The following ERG variants were observed in gnomAD, a reference collection of about 807,000 sequenced individuals.
The protein encoded by ERG is transcriptional regulator ERG.
In ERG, 9 loss-of-function variants were observed where a neutral mutation model predicts 55.3. The observed-to-expected ratio is 0.16, with a 90% CI of 0.10 to 0.28. The LOEUF is 0.28. ERG is among the 10% of genes least tolerant of loss of function. The pLI is 1.00. For missense variants in ERG, 434 were observed against 631.6 expected, an observed-to-expected ratio of 0.69 and a Z score of 3.35; for synonymous variants, 223 against 237.3, an observed-to-expected ratio of 0.94 and a Z score of 0.55.
At chr21:38,473,384 G>GTT (rs1256411375) in intron 1 of ERG, among the ~76,000 whole-genome samples, 2 of 151,262 alleles carry the variant, frequency 1.3e-5, no homozygotes, top group East Asian at 1.9e-4. Flanking sequence ...TGAGCCCATG[G>GTT]TTTTAAATCT....
At chr21:38,480,218 G>A (rs189215445) in intron 1 of ERG, among the ~76,000 whole-genome samples, 63 of 152,232 alleles carry the variant, frequency 4.1e-4, no homozygotes, top group Admixed American at 3.5e-3. Context: ...AATTTAAGAC[G>A]TATGATTCAT....
chr21:38,588,172 T>G (rs543269919), upstream of ERG, among the ~76,000 whole-genome samples: 8 of 152,318 alleles, frequency 5.3e-5, no homozygotes, highest in African/African-American at 1.7e-4. Context: ...CAGAAAATTA[T>G]GTAAACCAGA....
At chr21:38,515,339 T>C (rs2059543622) in intron 2 of ERG, among the ~76,000 whole-genome samples, 1 of 151,956 alleles carries the variant, frequency 6.6e-6, no homozygotes, top group Non-Finnish European at 1.5e-5. Context: ...AATGGATACA[T>C]TTCTGAACAC....
chr21:38,468,316 T>C (rs1202722043), intron 1 of ERG, among the ~76,000 whole-genome samples: 2 of 152,240 alleles, frequency 1.3e-5, no homozygotes, highest in Admixed American at 1.3e-4. Context: ...CTCTGTGCAA[T>C]AGAAAATAGA....
chr21:38,410,348 T>C (rs188887039), intron 3 of ERG, among the ~76,000 whole-genome samples: 9 of 152,360 alleles, frequency 5.9e-5, no homozygotes, highest in Admixed American at 5.9e-4. Flanking sequence ...AACATCTGTG[T>C]CATCATTCTA....
chr21:38,465,602 C>A (rs1286970849), intron 1 of ERG, among the ~76,000 whole-genome samples: 1 of 152,148 alleles, frequency 6.6e-6, no homozygotes, highest in East Asian at 1.9e-4. Flanking sequence ...GTAGCAAATG[C>A]ACTCCGATGG....
At chr21:38,614,402 T>A (rs2060246873) in intron 1 of ERG, among the ~76,000 whole-genome samples, 1 of 152,204 alleles carries the variant, frequency 6.6e-6, no homozygotes, top group African/African-American at 2.4e-5. Context: ...AGTTGTGGCC[T>A]AGGAGATGTA....
At chr21:38,661,248 A>G (rs909092893) in intron 1 of ERG, among the ~76,000 whole-genome samples, 5 of 152,186 alleles carry the variant, frequency 3.3e-5, no homozygotes, top group Admixed American at 1.3e-4. Flanking sequence ...GCGAGAAGTG[A>G]TATTTTTCCA....
intron 1 of ERG, among the ~76,000 whole-genome samples, chr21:38,580,762 A>G (rs2060023521): frequency 1.3e-5 from 2 of 152,222 alleles, no homozygotes; most frequent in Non-Finnish European, 2.9e-5. Flanking sequence ...CTAACCACAT[A>G]AAAAAGATGG....
At position 38,380,396 on chromosome 21, in the gene ERG, A is replaced by G. The variant is rs1987370893; in HGVS notation, c.*3007T>C. On this transcript the variant is annotated 3_prime_UTR_variant, in exon 10 of 10. Transcript: ENST00000288319. ...GTGAACCCCTCCGGGACATAAGGGCATCAAACTAGGAACAAAAACACAGTC... is the reference window on the plus strand; with the variant it reads ...GTGAACCCCTCCGGGACATAAGGGCGTCAAACTAGGAACAAAAACACAGTC... The G allele has an allele frequency of 9.4e-7, 1 of 1,061,964 alleles. No individual in the cohort carries two copies. 65.8% of individuals were successfully genotyped at this position (1,061,964 alleles called of 1,614,324 possible).
At chr21:38,586,909 C>A (rs867551066), upstream of ERG, among the ~76,000 whole-genome samples, 3 of 152,152 alleles carry the variant, frequency 2.0e-5, no homozygotes, top group African/African-American at 7.2e-5. Context: ...TCAACATAAA[C>A]GCCCATAAAG....
chr21:38,529,689 G>T (rs2059658114), intron 2 of ERG, among the ~76,000 whole-genome samples: 1 of 152,164 alleles, frequency 6.6e-6, no homozygotes. Flanking sequence ...GGCTGGCCAG[G>T]CGCGGTGGCT....
chr21:38,653,353 C>T (rs1321163174), intron 1 of ERG, among the ~76,000 whole-genome samples: 1 of 152,170 alleles, frequency 6.6e-6, no homozygotes, highest in Non-Finnish European at 1.5e-5. Flanking sequence ...TTCCCAGGAT[C>T]CGGAGCACCC....
rs75546005 is a variant in ERG, at chr21:38,403,121, C to T, written c.592+385G>A. Among the ~76,000 whole-genome samples the T allele has an allele frequency of 5.6e-3, 850 of 152,190 alleles. 9 individuals are homozygous for T. Among genetic ancestry groups the T allele is most frequent in the African/African-American group, 0.019 (806 of 41,496 alleles). On this transcript the variant is annotated intron_variant, in intron 4 of 9. Transcript: ENST00000288319. Reference sequence around the variant, plus strand: ...TCATGTAGCTTTAGGGAGAATAATCCCCCTAATTCCTACGAAAGAGAAGCC... The same window carrying T: ...TCATGTAGCTTTAGGGAGAATAATCTCCCTAATTCCTACGAAAGAGAAGCC...
At chr21:38,487,361 T>G (rs945507621) in intron 1 of ERG, among the ~76,000 whole-genome samples, 2 of 152,204 alleles carry the variant, frequency 1.3e-5, no homozygotes, top group Non-Finnish European at 2.9e-5. Flanking sequence ...TAATTGTTTT[T>G]CAAATGGGGA....
intron 6 of ERG, among the ~76,000 whole-genome samples, chr21:38,393,048 C>T (rs541381692): frequency 6.6e-6 from 1 of 152,088 alleles, no homozygotes; most frequent in Admixed American, 6.5e-5. Flanking sequence ...CAAATGTCTC[C>T]CATTTCTAAT....
intron 2 of ERG, among the ~76,000 whole-genome samples, chr21:38,545,436 G>A (rs1401695025): frequency 4.0e-5 from 6 of 151,884 alleles, no homozygotes; most frequent in South Asian, 4.2e-4. Context: ...CTGCATCTGC[G>A]CCCCTGAGAC....
intron 2 of ERG, among the ~76,000 whole-genome samples, chr21:38,553,631 T>C (rs758844752): frequency 3.3e-5 from 5 of 152,222 alleles, no homozygotes; most frequent in Non-Finnish European, 7.3e-5. Flanking sequence ...GCTAGCCATA[T>C]GCAGAAGATT....
intron 2 of ERG, among the ~76,000 whole-genome samples, chr21:38,556,499 T>C (rs1188883391): frequency 1.3e-5 from 2 of 152,160 alleles, no homozygotes; most frequent in African/African-American, 4.8e-5. Context: ...TGCAGCCTTT[T>C]GTGGATACAA....
Sources: gnomAD v4.1 joint callset for allele counts (sites outside exome capture counted in the v4.1 genomes callset) on GRCh38, gnomAD v4.1.1 for gene constraint, MANE v1.5 for transcripts, NCBI Gene and HGNC (gene_info 2026-07-23, HGNC 2026-07-21) for gene names.